The following PCSK6 variants were observed in gnomAD, a reference collection of about 807,000 sequenced individuals.
PCSK6 encodes proprotein convertase subtilisin/kexin type 6, also known as paired basic amino acid cleaving enzyme 4.
PCSK6 carries 85 observed loss-of-function variants against 123.3 expected under a neutral mutation model. The observed-to-expected ratio is 0.69, with a 90% CI of 0.58 to 0.83. The LOEUF is 0.83. Among genes scored for constraint, PCSK6 ranks in the 40% least tolerant of loss-of-function variants. The pLI, the probability that PCSK6 is intolerant of heterozygous loss-of-function variation, is 0.00. For missense variants in PCSK6, 1,191 were observed against 1,282.3 expected (o/e 0.93, Z 1.09); for synonymous variants, 508 against 516.0 (o/e 0.98, Z 0.21).
intron 11 of PCSK6, among the ~76,000 whole-genome samples, chr15:101,381,118 T>C (rs1448302406): frequency 1.3e-5 from 2 of 152,054 alleles, no homozygotes; most frequent in African/African-American, 2.4e-5. Flanking sequence ...TCCAAGCACT[T>C]TGGGAGGCCA....
chr15:101,400,068 G>C (rs933330389), intron 6 of PCSK6, among the ~76,000 whole-genome samples: 2 of 152,042 alleles, frequency 1.3e-5, no homozygotes, highest in Non-Finnish European at 2.9e-5. Context: ...CTGTCACCCA[G>C]GCTGGAATGC....
intron 6 of PCSK6, among the ~76,000 whole-genome samples, chr15:101,426,599 G>A (rs760131246): frequency 6.6e-6 from 1 of 152,182 alleles, no homozygotes; most frequent in African/African-American, 2.4e-5. Context: ...AGATTTCCAC[G>A]GGAAAAGGCA....
At chr15:101,489,158 G>GGC (rs2058094634) in intron 1 of PCSK6, among the ~76,000 whole-genome samples, 5 of 82,764 alleles carry the variant, frequency 6.0e-5, no homozygotes, top group East Asian at 4.4e-4. Context: ...CGGGACCCCA[G>GGC]TCCCCCCCAC....
chr15:101,380,534 C>G lies in PCSK6; in HGVS notation c.1532+1558G>C, dbSNP rs376255189. ...ACAGTCTAAGGCTCCTCAGAGAAAC[C>G]GACGCCTTAAGAAGTCAAGACTGAG... On this transcript the variant is annotated intron_variant, in intron 11 of 21. Coordinates refer to ENST00000611716, the MANE Select transcript of PCSK6 (RefSeq NM_002570.5). Among the ~76,000 whole-genome samples, 7 of 152,352 alleles carry G rather than the reference C, an allele frequency of 4.6e-5. No homozygotes were observed. The South Asian group carries it at 8.3e-4, about 18-fold the overall frequency.
In PCSK6 at chr15:101,367,965, C is replaced by T. The variant is rs554120475; in HGVS notation, c.1722-1633G>A. The stretch of plus-strand genomic sequence containing the variant: ...TCAGCCTCCCAAGTAGCTGGGATCA[C>T]AGGTGCGTGCCACCACGCCCAGCTA... On this transcript the variant is annotated intron_variant, in intron 12 of 21. Coordinates refer to ENST00000611716, the MANE Select transcript of PCSK6 (RefSeq NM_002570.5). Among the ~76,000 whole-genome samples, 4 of 152,368 alleles carry T rather than the reference C, an allele frequency of 2.6e-5. No homozygotes were observed. The East Asian group carries it at 7.7e-4, about 29-fold the overall frequency.
chr15:101,447,008 C>T (rs2056908489), intron 1 of PCSK6, among the ~76,000 whole-genome samples: 1 of 152,190 alleles, frequency 6.6e-6, no homozygotes, highest in East Asian at 1.9e-4. Flanking sequence ...AAAGGTGACA[C>T]AGCAGGAGGC....
rs2039705477 is a variant in PCSK6 at position 101,305,616 on chromosome 15, G to A, written c.2813-261C>T. On this transcript the variant is annotated intron_variant, in intron 21 of 21. Coordinates refer to ENST00000611716, the MANE Select transcript of PCSK6 (RefSeq NM_002570.5). The surrounding 1 kb of genome is among the most constrained non-coding windows in gnomAD (Gnocchi z 4.8). ...CAAGCTACTCGGGAGGCTAAAGCAG[G>A]AGAACCACCTGAACCCAGGAGGCAG... 1.0e-5 allele frequency: 4 copies of A among 386,892 alleles called. No homozygotes were observed. Among genetic ancestry groups the A allele is most frequent in the Non-Finnish European group, 1.9e-5 (4 of 208,686 alleles). The allele number at this position is 386,892 out of a possible 1,614,324, so 24.0% of individuals were successfully genotyped here. A position where few individuals can be genotyped will look rare whatever the true frequency, so the allele number is the denominator to read the frequency against.
chr15:101,324,977 G>A lies in PCSK6; in HGVS notation c.2250C>T (p.His750=), dbSNP rs2040215966. Residue 750 remains histidine, a synonymous_variant, in exon 17 of 22, where the codon CAC becomes CAT. Transcript: ENST00000611716. The part of the protein sequence containing the change: ...DTAARRCRRC[H]KGCETCSSRA... ...TGCTGGAGCAGGTCTCACACCCCTT[G>A]TGGCACCGGCGACAGCGTCTTGCTG... 1.9e-6 allele frequency: 3 copies of A among 1,613,130 alleles called. No homozygotes were observed. The highest frequency in any genetic ancestry group is 2.5e-6 in the Non-Finnish European group (3 of 1,179,880).
intron 1 of PCSK6, among the ~76,000 whole-genome samples, chr15:101,451,106 A>G (rs7172696): frequency 0.62 from 93,953 of 151,500 alleles, 29,905 homozygotes; most frequent in Non-Finnish European, 0.71. Context: ...TTAAATGTGA[A>G]TGTAGCTGGC....
rs1567147076 is a variant in PCSK6, at chr15:101,331,709, C to T, written c.2039-20G>A. ...ATTGAGCTGTGTGAGTGCAAATTGC[C>T]ATGATTATTATGACTCCCAGGCAAG... On this transcript the variant is annotated intron_variant, in intron 14 of 21. Transcript: ENST00000611716. 1.9e-6 allele frequency: 3 copies of T among 1,605,860 alleles called. No individual in the cohort carries two copies. Among genetic ancestry groups the T allele is most frequent in the Non-Finnish European group, 1.7e-6 (2 of 1,177,864 alleles).
At chr15:101,315,667 A>AGG (rs1315634167) in intron 19 of PCSK6, among the ~76,000 whole-genome samples, 2 of 152,280 alleles carry the variant, frequency 1.3e-5, no homozygotes, top group African/African-American at 4.8e-5. Context: ...TCTCAGGCAC[A>AGG]GGACGCTCAT....
At chr15:101,443,212 A>T (rs1275319206) in intron 2 of PCSK6, among the ~76,000 whole-genome samples, 1 of 152,258 alleles carries the variant, frequency 6.6e-6, no homozygotes, top group African/African-American at 2.4e-5. Flanking sequence ...GTAACCATTA[A>T]CATACATGTT....
intron 2 of PCSK6, among the ~76,000 whole-genome samples, chr15:101,441,217 G>A (rs546776830): frequency 7.2e-5 from 11 of 152,100 alleles, no homozygotes; most frequent in Non-Finnish European, 1.0e-4. Flanking sequence ...TGCTGACTTC[G>A]AGGAGACAAC....
At chr15:101,448,576 C>T (rs1399090742) in intron 1 of PCSK6, among the ~76,000 whole-genome samples, 2 of 152,340 alleles carry the variant, frequency 1.3e-5, no homozygotes, top group Middle Eastern at 3.4e-3. Context: ...AGGCAGCAAG[C>T]TTGGAGTTCA....
intron 6 of PCSK6, among the ~76,000 whole-genome samples, chr15:101,426,746 C>T (rs928830245): frequency 8.7e-6 from 1 of 115,178 alleles, no homozygotes; most frequent in African/African-American, 2.9e-5. Flanking sequence ...AAAGCGGCTG[C>T]AGCCACCCTC....
chr15:101,305,340 C>A lies in PCSK6; in HGVS notation c.2828G>T (p.Cys943Phe), dbSNP rs1248460728. The A allele has an allele frequency of 1.8e-5, 29 of 1,612,478 alleles. No individual in the cohort carries two copies. The highest frequency in any genetic ancestry group is 2.1e-5 in the Non-Finnish European group (25 of 1,179,772). The change falls in exon 22 of 22, where the codon TGC (cysteine) becomes TTC (phenylalanine). Residue 943 changes from cysteine to phenylalanine, a missense_variant. Cys to Phe is a radical substitution (Grantham distance 205). This residue lies in a region of PCSK6 where 630 missense variants were observed against 631.4 expected (regional missense o/e 1.00). Coordinates refer to ENST00000611716, the MANE Select transcript of PCSK6 (RefSeq NM_002570.5). This position sits in a 1 kb window ranked among gnomAD's most constrained non-coding sequence, Gnocchi z 4.8. Reference sequence around the variant, plus strand: ...CAGCCGGTTGGACTTCACCATCTCGCAGAATGTCTCGTCAGCTGGGGCCCC... The same window carrying A: ...CAGCCGGTTGGACTTCACCATCTCGAAGAATGTCTCGTCAGCTGGGGCCCC... ...HTCSNADETFCEMVKSNRLCE... is the reference protein window; with the variant it reads ...HTCSNADETFFEMVKSNRLCE...
intron 1 of PCSK6, among the ~76,000 whole-genome samples, chr15:101,483,258 C>T (rs1370747278): frequency 6.6e-6 from 1 of 152,238 alleles, no homozygotes; most frequent in Non-Finnish European, 1.5e-5. Context: ...ATCATTTTAA[C>T]ACCTGGTTAA....
intron 15 of PCSK6, among the ~76,000 whole-genome samples, chr15:101,329,408 A>G (rs1267593400): frequency 6.6e-6 from 1 of 152,188 alleles, no homozygotes; most frequent in Non-Finnish European, 1.5e-5. Context: ...CGGACCCGAG[A>G]GGCATGCAAG....
chr15:101,348,517 G>A (rs1415688267), intron 13 of PCSK6, among the ~76,000 whole-genome samples: 1 of 152,240 alleles, frequency 6.6e-6, no homozygotes, highest in Non-Finnish European at 1.5e-5. Flanking sequence ...GCACAAGGCA[G>A]AACACAGAAT....
Sources: gnomAD v4.1 joint callset for allele counts (sites outside exome capture counted in the v4.1 genomes callset) on GRCh38, gnomAD v4.1.1 for gene constraint, gnomAD v4.1.1 regional missense constraint, Gnocchi (gnomAD v3.1) non-coding constraint, MANE v1.5 for transcripts, NCBI Gene and HGNC (gene_info 2026-07-23, HGNC 2026-07-21) for gene names.